Variants in TMEM117 observed in about 807,000 individuals in gnomAD.
The protein encoded by TMEM117 is transmembrane protein 117.
TMEM117 carries 27 observed loss-of-function variants against 52.4 expected under a neutral mutation model. The observed-to-expected ratio is 0.51, with a 90% CI of 0.38 to 0.71. The LOEUF (loss-of-function observed/expected upper bound fraction) is 0.71, where lower values mean the gene tolerates loss of function less well. Among genes scored for constraint, TMEM117 ranks in the 30% least tolerant of loss-of-function variants. The pLI is 0.00. For synonymous variants in TMEM117, 215 were observed against 206.3 expected, an observed-to-expected ratio of 1.04 and a Z score of -0.36; for missense variants, 556 against 630.5, an observed-to-expected ratio of 0.88 and a Z score of 1.26.
chr12:44,013,998 C>G (rs180782720), intron 3 of TMEM117, among the ~76,000 whole-genome samples: 2 of 152,244 alleles, frequency 1.3e-5, no homozygotes, highest in East Asian at 1.9e-4. Flanking sequence ...TGAAACCTAA[C>G]AAACTTTCAG....
chr12:44,372,872 A>T (rs191847597), intron 6 of TMEM117, among the ~76,000 whole-genome samples: 1 of 152,346 alleles, frequency 6.6e-6, no homozygotes, highest in East Asian at 1.9e-4. Flanking sequence ...TTCCTGAGGC[A>T]GATGTTCACA....
chr12:43,943,062 C>T (rs1011382907), intron 2 of TMEM117, among the ~76,000 whole-genome samples: 1 of 148,382 alleles, frequency 6.7e-6, no homozygotes, highest in Non-Finnish European at 1.5e-5. Context: ...CCTGTAATCC[C>T]AGTTACCTGG....
chr12:44,120,222 T>G (rs540993830), intron 3 of TMEM117, among the ~76,000 whole-genome samples: 1 of 152,250 alleles, frequency 6.6e-6, no homozygotes, highest in South Asian at 2.1e-4. Flanking sequence ...TTAGTAGGAA[T>G]TATCATTTTC....
chr12:44,311,536 A>G (rs1185209220), intron 6 of TMEM117, among the ~76,000 whole-genome samples: 1 of 151,890 alleles, frequency 6.6e-6, no homozygotes, highest in East Asian at 1.9e-4. Context: ...ATTCCTGCCT[A>G]TGCAGAAGGT....
chr12:44,385,034 G>C (rs1050383588), intron 7 of TMEM117, among the ~76,000 whole-genome samples: 1 of 152,144 alleles, frequency 6.6e-6, no homozygotes, highest in Non-Finnish European at 1.5e-5. Flanking sequence ...GAACTGGAAG[G>C]CATCTAGTTC....
chr12:44,223,185 A>G lies in TMEM117; in HGVS notation c.608+11798A>G, dbSNP rs140379764. On this transcript the variant is annotated intron_variant, in intron 5 of 7. Coordinates refer to ENST00000266534, the MANE Select transcript of TMEM117 (RefSeq NM_032256.3). ...TAGTATCCATTAGTTGTTTTTCCTG[A>G]TCTCTCCCTCTTCCTACCCTCCACC... is the stretch of plus-strand genomic sequence containing the variant. 3.0e-3 allele frequency among the ~76,000 whole-genome samples: 460 copies of G among 151,770 alleles called. 1 individual carries two copies. The highest frequency in any genetic ancestry group is 0.011 in the African/African-American group (439 of 41,376).
intron 2 of TMEM117, among the ~76,000 whole-genome samples, chr12:43,885,269 G>C (rs1350957134): frequency 6.6e-6 from 1 of 152,188 alleles, no homozygotes; most frequent in East Asian, 1.9e-4. Flanking sequence ...TAAGGACACT[G>C]TTTTGAGATC....
At position 44,122,137 on chromosome 12, in the gene TMEM117, C is replaced by G. The variant is rs542050005; in HGVS notation, c.411-21388C>G. Among the ~76,000 whole-genome samples, 5 of 151,882 alleles carry G rather than the reference C, an allele frequency of 3.3e-5. No individual in the cohort carries two copies. In the South Asian group the frequency reaches 1.0e-3, roughly 32 times the overall value. ...TCCACTCACTGCAACCTCTGCCTCC[C>G]AGGTTCAAACAATTCTCCTACCTCA... is the stretch of plus-strand genomic sequence containing the variant. On this transcript the variant is annotated intron_variant, in intron 3 of 7. Transcript: ENST00000266534.
At chr12:44,041,874 C>T (rs1946804189) in intron 3 of TMEM117, among the ~76,000 whole-genome samples, 1 of 152,182 alleles carries the variant, frequency 6.6e-6, no homozygotes, top group Admixed American at 6.5e-5. Flanking sequence ...ACCACACGAT[C>T]ATCTCAGTAG....
At chr12:44,319,785 T>A (rs1951106882) in intron 6 of TMEM117, among the ~76,000 whole-genome samples, 1 of 152,210 alleles carries the variant, frequency 6.6e-6, no homozygotes, top group African/African-American at 2.4e-5. Flanking sequence ...TTAAAATTCA[T>A]TCTTTGGTTT....
At chr12:44,148,246 T>A (rs1217173308) in intron 4 of TMEM117, among the ~76,000 whole-genome samples, 1 of 152,224 alleles carries the variant, frequency 6.6e-6, no homozygotes, top group South Asian at 2.1e-4. Context: ...TATAAAATTA[T>A]GTGTGATTTT....
chr12:44,347,287 A>T (rs1951501027), intron 6 of TMEM117, among the ~76,000 whole-genome samples: 2 of 152,122 alleles, frequency 1.3e-5, no homozygotes, highest in Admixed American at 1.3e-4. Context: ...TAGGGTACAT[A>T]GATGTAGAAA....
intron 3 of TMEM117, among the ~76,000 whole-genome samples, chr12:44,076,913 G>A (rs1272368400): frequency 6.6e-6 from 1 of 152,120 alleles, no homozygotes; most frequent in African/African-American, 2.4e-5. Context: ...TTGACAGTTT[G>A]GGCCATTAGA....
intron 3 of TMEM117, among the ~76,000 whole-genome samples, chr12:44,036,768 A>G (rs928373425): frequency 6.6e-6 from 1 of 152,196 alleles, no homozygotes; most frequent in African/African-American, 2.4e-5. Context: ...TGTTATGTGT[A>G]TCTTCAACTT....
intron 5 of TMEM117, among the ~76,000 whole-genome samples, chr12:44,229,062 G>C (rs1949901088): frequency 6.6e-6 from 1 of 151,978 alleles, no homozygotes; most frequent in Non-Finnish European, 1.5e-5. Context: ...TGTCTTATAG[G>C]GAAAATAGAC....
intron 6 of TMEM117, among the ~76,000 whole-genome samples, chr12:44,365,071 A>G (rs184879899): frequency 2.2e-4 from 34 of 152,192 alleles, no homozygotes; most frequent in African/African-American, 7.5e-4. Context: ...GGGAGATAGT[A>G]TTCATTACTA....
At chr12:44,376,757 C>A (rs767245016) in intron 7 of TMEM117, 33 bp downstream of exon 7, 2 of 1,567,756 alleles carry the variant, frequency 1.3e-6, no homozygotes, top group Non-Finnish European at 1.7e-6. Context: ...ATTTGATTAT[C>A]TTCGTACATT....
chr12:44,282,050 A>G (rs904639624), intron 5 of TMEM117, among the ~76,000 whole-genome samples: 7 of 152,130 alleles, frequency 4.6e-5, no homozygotes, highest in Non-Finnish European at 8.8e-5. Context: ...ATCACAGTGA[A>G]TAAGTCTCAC....
chr12:43,839,958 C>T (rs1163399057), intron 1 of TMEM117, among the ~76,000 whole-genome samples: 1 of 152,182 alleles, frequency 6.6e-6, no homozygotes, highest in Non-Finnish European at 1.5e-5. Flanking sequence ...CCAAATTATC[C>T]TTAACTCTCA....
Sources: allele counts gnomAD v4.1 joint callset (sites outside exome capture counted in the v4.1 genomes callset), GRCh38; gene constraint gnomAD v4.1.1; transcripts MANE v1.5; gene names NCBI Gene and HGNC (gene_info 2026-07-23, HGNC 2026-07-21).